Variants in DPH6 observed in about 807,000 individuals in gnomAD.
The protein encoded by DPH6 is diphthamine biosynthesis 6.
DPH6 carries 33 observed loss-of-function variants against 38.2 expected under a neutral mutation model. That is an observed-to-expected ratio of 0.86 (90% CI 0.65 to 1.15). The LOEUF is 1.15. Ranked by LOEUF, DPH6 falls within the 50% of genes most tolerant of loss-of-function variation. The probability of loss-of-function intolerance (pLI) is 0.00; values close to 1 mark genes in which losing one functional copy is unlikely to be tolerated. For synonymous variants in DPH6, 108 were observed against 103.0 expected (o/e 1.05, Z -0.30); for missense variants, 325 against 320.0 (o/e 1.02, Z -0.12).
At chr15:35,172,405 A>C in the DPH6 span, among the ~76,000 whole-genome samples, 1 of 152,298 alleles carries the variant, frequency 6.6e-6, no homozygotes, top group East Asian at 1.9e-4. Flanking sequence ...GGTGCTCAAA[A>C]AGTTTTGAAT....
intron 5 of DPH6, among the ~76,000 whole-genome samples, chr15:35,422,001 A>G (rs1180553574): frequency 2.0e-5 from 3 of 152,046 alleles, no homozygotes; most frequent in African/African-American, 4.8e-5. Context: ...GGTAAGATAT[A>G]TAATACCGGT....
chr15:35,305,248 G>A (rs2052080419), intron 3 of DPH6, among the ~76,000 whole-genome samples: 2 of 151,836 alleles, frequency 1.3e-5, no homozygotes, highest in South Asian at 4.2e-4. Context: ...TCTTTTCTAG[G>A]GTGTGTTTTG....
At chr15:35,210,946 C>CTTTTTTTT in the DPH6 span, among the ~76,000 whole-genome samples, 4 of 61,570 alleles carry the variant, frequency 6.5e-5, no homozygotes, top group Admixed American at 1.9e-4. Context: ...AGATAGATCA[C>CTTTTTTTT]TTTTTTTTTT....
At chr15:35,470,679 A>G (rs2054187824) in intron 3 of DPH6, among the ~76,000 whole-genome samples, 1 of 152,192 alleles carries the variant, frequency 6.6e-6, no homozygotes, top group Non-Finnish European at 1.5e-5. Flanking sequence ...TTCCCAATCC[A>G]GTCTTACTTC....
At chr15:35,370,674 T>C (rs111321279), downstream of DPH6, among the ~76,000 whole-genome samples, 627 of 151,708 alleles carry the variant, frequency 4.1e-3, 8 homozygotes, top group African/African-American at 0.014. Flanking sequence ...AGTCCAAAAT[T>C]CCTACAATGC....
chr15:35,205,192 C>G, the DPH6 span, among the ~76,000 whole-genome samples: 10 of 151,928 alleles, frequency 6.6e-5, no homozygotes, highest in Non-Finnish European at 1.3e-4. Context: ...AAATTCCATA[C>G]CAATTCAATG....
At chr15:35,508,623 T>A (rs2054727699) in intron 3 of DPH6, among the ~76,000 whole-genome samples, 1 of 152,138 alleles carries the variant, frequency 6.6e-6, no homozygotes, top group Non-Finnish European at 1.5e-5. Context: ...ATACCTAATC[T>A]TGAGCAAGGT....
intron 3 of DPH6, among the ~76,000 whole-genome samples, chr15:35,518,209 C>T (rs1269823341): frequency 6.6e-6 from 1 of 151,986 alleles, no homozygotes; most frequent in Non-Finnish European, 1.5e-5. Context: ...AGTGTATGTA[C>T]ACACACGTAC....
chr15:35,292,190 C>A (rs1426492291), intron 3 of DPH6, among the ~76,000 whole-genome samples: 1 of 152,006 alleles, frequency 6.6e-6, no homozygotes, highest in Non-Finnish European at 1.5e-5. Flanking sequence ...AAAAAATTGC[C>A]ATGCTAAAAA....
chr15:35,431,742 C>G (rs1382952647), intron 5 of DPH6, among the ~76,000 whole-genome samples: 1 of 150,510 alleles, frequency 6.6e-6, no homozygotes, highest in African/African-American at 2.5e-5. Flanking sequence ...TCATAAAAAG[C>G]AGAGAGTAGT....
At chr15:35,387,604 AT>A (rs1027077310) in intron 6 of DPH6, among the ~76,000 whole-genome samples, 1 of 152,132 alleles carries the variant, frequency 6.6e-6, no homozygotes, top group Non-Finnish European at 1.5e-5. Flanking sequence ...GTTTGAAGCA[AT>A]TGTGAATGGC....
At chr15:35,301,284 A>G (rs533328553) in intron 3 of DPH6, among the ~76,000 whole-genome samples, 3 of 152,346 alleles carry the variant, frequency 2.0e-5, no homozygotes, top group South Asian at 4.1e-4. Context: ...AATTACAGGA[A>G]AACACCAGGA....
chr15:35,417,408 C>T (rs1019727731), intron 5 of DPH6, among the ~76,000 whole-genome samples: 5 of 151,778 alleles, frequency 3.3e-5, no homozygotes, highest in Non-Finnish European at 7.4e-5. Context: ...TCTGAATGAT[C>T]CTTCTTAATT....
At chr15:35,400,932 A>C (rs1283629610) in intron 6 of DPH6, 2 of 1,045,020 alleles carry the variant, frequency 1.9e-6, no homozygotes, top group Middle Eastern at 2.9e-4. Context: ...AGGTGGATGA[A>C]GAGTTGTGGA....
At chr15:35,409,373 T>C (rs1463962014) in intron 6 of DPH6, among the ~76,000 whole-genome samples, 1 of 151,920 alleles carries the variant, frequency 6.6e-6, no homozygotes, top group African/African-American at 2.4e-5. Flanking sequence ...AAATACAAGA[T>C]TGCCAGACCA....
At chr15:35,531,577 A>T (rs1039423965) in intron 3 of DPH6, among the ~76,000 whole-genome samples, 1 of 152,118 alleles carries the variant, frequency 6.6e-6, no homozygotes, top group African/African-American at 2.4e-5. Context: ...AAGTTCAAAC[A>T]ATTCTCTCGC....
intron 3 of DPH6, among the ~76,000 whole-genome samples, chr15:35,233,125 T>C (rs1042768167): frequency 6.6e-6 from 1 of 152,234 alleles, no homozygotes; most frequent in East Asian, 1.9e-4. Flanking sequence ...CTGGCCAATG[T>C]GGTGAAACCC....
intron 3 of DPH6, among the ~76,000 whole-genome samples, chr15:35,493,830 C>T (rs1161510370): frequency 6.6e-6 from 1 of 152,066 alleles, no homozygotes; most frequent in Non-Finnish European, 1.5e-5. Context: ...GGGCAAATAA[C>T]AAAGTCATAT....
intron 3 of DPH6, among the ~76,000 whole-genome samples, chr15:35,318,694 A>G (rs1430415230): frequency 6.6e-6 from 1 of 152,194 alleles, no homozygotes; most frequent in East Asian, 1.9e-4. Context: ...AACTAAGACT[A>G]CAACACCTAA....
Sources: allele counts gnomAD v4.1 joint callset (sites outside exome capture counted in the v4.1 genomes callset), GRCh38; gene constraint gnomAD v4.1.1; transcripts MANE v1.5; gene names NCBI Gene and HGNC (gene_info 2026-07-23, HGNC 2026-07-21).